The following PLCL2 variants were observed in gnomAD, a reference collection of about 807,000 sequenced individuals.
PLCL2 encodes phospholipase C like 2, also known as inactive phospholipase C-like protein 2.
PLCL2 carries 4 observed loss-of-function variants against 79.6 expected under a neutral mutation model. The observed-to-expected ratio is 0.05, with a 90% CI of 0.02 to 0.11. The LOEUF (loss-of-function observed/expected upper bound fraction) is 0.11, where lower values mean the gene tolerates loss of function less well. Ranked by LOEUF, PLCL2 falls within the 10% of genes least tolerant of loss-of-function variation. PLCL2 has a pLI of 1.00. For synonymous variants in PLCL2, 484 were observed against 457.7 expected (o/e 1.06, Z -0.73); for missense variants, 895 against 1,291.0 (o/e 0.69, Z 4.70).
intron 5 of PLCL2, among the ~76,000 whole-genome samples, chr3:17,075,394 A>G (rs368510745): frequency 2.4e-4 from 36 of 152,268 alleles, no homozygotes; most frequent in East Asian, 1.7e-3. Context: ...CCAATCACAA[A>G]TCACAATAAC....
At chr3:16,976,765 T>G (rs947994301) in intron 1 of PLCL2, among the ~76,000 whole-genome samples, 21 of 152,166 alleles carry the variant, frequency 1.4e-4, no homozygotes, top group African/African-American at 5.1e-4. Flanking sequence ...TCCTTATTTG[T>G]GGGGCTTATT....
chr3:16,988,637 A>T (rs1319117682), intron 1 of PLCL2, among the ~76,000 whole-genome samples: 2 of 152,072 alleles, frequency 1.3e-5, no homozygotes, highest in Non-Finnish European at 2.9e-5. Context: ...TCTGTACTGC[A>T]GTTCTATAAA....
intron 1 of PLCL2, among the ~76,000 whole-genome samples, chr3:16,961,184 C>G (rs1294908474): frequency 6.6e-6 from 1 of 152,210 alleles, no homozygotes; most frequent in Non-Finnish European, 1.5e-5. Context: ...ATTGTATACT[C>G]GTGGTATTTA....
intron 1 of PLCL2, among the ~76,000 whole-genome samples, chr3:16,997,495 C>A (rs1201557425): frequency 6.7e-6 from 1 of 150,198 alleles, no homozygotes; most frequent in Non-Finnish European, 1.5e-5. Context: ...TTTTTCCAAT[C>A]TAATTGTCCC....
intron 1 of PLCL2, among the ~76,000 whole-genome samples, chr3:16,996,274 C>T (rs1035992964): frequency 6.6e-6 from 1 of 152,050 alleles, no homozygotes; most frequent in Non-Finnish European, 1.5e-5. Flanking sequence ...TGGGCTGCGA[C>T]TCAGGGCATC....
chr3:17,024,787 C>G lies in PLCL2; in HGVS notation c.3018+9876C>G, dbSNP rs116206992. 3.0e-3 allele frequency among the ~76,000 whole-genome samples: 454 copies of G among 152,308 alleles called. 4 individuals are homozygous for G. Among genetic ancestry groups the G allele is most frequent in the African/African-American group, 0.01 (434 of 41,556 alleles). The stretch of plus-strand genomic sequence containing the variant: ...CTTCTCCCTTTGAGCTGGGAGCCTC[C>G]TGCTCCCTATTACTTGGGACCCAGA... On this transcript the variant is annotated intron_variant, in intron 3 of 5. Coordinates refer to ENST00000615277, the MANE Select transcript of PLCL2 (RefSeq NM_001144382.2).
Position 16,975,867 on chromosome 3 carries a change from G to C in PLCL2, c.328-33807G>C, listed in dbSNP as rs375388014. ...TCTAGGCCCCATTTGCCAGCAGGGAGACTTCTGCCAATATCTGTGGAGGTG... is the reference window on the plus strand; with the variant it reads ...TCTAGGCCCCATTTGCCAGCAGGGACACTTCTGCCAATATCTGTGGAGGTG... On this transcript the variant is annotated intron_variant, in intron 1 of 5. Coordinates refer to ENST00000615277, the MANE Select transcript of PLCL2 (RefSeq NM_001144382.2). 2.2e-4 allele frequency among the ~76,000 whole-genome samples: 34 copies of C among 152,310 alleles called. No individual in the cohort carries two copies. The South Asian group carries it at 7.0e-3, about 32-fold the overall frequency.
intron 5 of PLCL2, among the ~76,000 whole-genome samples, chr3:17,069,753 AT>A (rs1559538962): frequency 1.3e-5 from 2 of 152,110 alleles, no homozygotes; most frequent in South Asian, 2.1e-4. Context: ...CGCCATTTGC[AT>A]TTTTCTCACG....
At chr3:16,940,659 T>C (rs116614223) in intron 1 of PLCL2, among the ~76,000 whole-genome samples, 3,184 of 152,172 alleles carry the variant, frequency 0.021, 55 homozygotes, top group South Asian at 0.043. Context: ...TAAAATAAAA[T>C]AAAATAAAAT....
At chr3:16,996,737 T>C (rs2064157153) in intron 1 of PLCL2, among the ~76,000 whole-genome samples, 2 of 152,208 alleles carry the variant, frequency 1.3e-5, no homozygotes, top group African/African-American at 4.8e-5. Flanking sequence ...TTTATCTCCA[T>C]GTGGCCGTTT....
chr3:16,920,782 TG>T (rs1317476725), intron 1 of PLCL2, among the ~76,000 whole-genome samples: 1 of 152,246 alleles, frequency 6.6e-6, no homozygotes, highest in Non-Finnish European at 1.5e-5. Flanking sequence ...TGATAACCAC[TG>T]TATTACAACC....
At chr3:16,993,245 G>T (rs2064121798) in intron 1 of PLCL2, among the ~76,000 whole-genome samples, 6 of 152,124 alleles carry the variant, frequency 3.9e-5, no homozygotes, top group Admixed American at 3.9e-4. Flanking sequence ...CATGTTTATT[G>T]ATACCCACAT....
At chr3:16,964,351 C>T (rs2063784954) in intron 1 of PLCL2, among the ~76,000 whole-genome samples, 1 of 152,136 alleles carries the variant, frequency 6.6e-6, no homozygotes, top group Non-Finnish European at 1.5e-5. Context: ...TACATGAACT[C>T]ATCCTTTTTA....
At chr3:17,051,542 G>A (rs1323842829) in intron 4 of PLCL2, among the ~76,000 whole-genome samples, 2 of 151,508 alleles carry the variant, frequency 1.3e-5, no homozygotes, top group Admixed American at 6.6e-5. Context: ...TGTTCTGGGG[G>A]GAAAAAAAAG....
intron 3 of PLCL2, among the ~76,000 whole-genome samples, chr3:17,022,701 G>C (rs561872605): frequency 2.0e-5 from 3 of 152,258 alleles, no homozygotes; most frequent in Admixed American, 2.0e-4. Context: ...TTGAGTGGAG[G>C]AGGCAATGCT....
At chr3:17,060,904 A>G (rs1371564688) in intron 4 of PLCL2, among the ~76,000 whole-genome samples, 2 of 152,094 alleles carry the variant, frequency 1.3e-5, no homozygotes, top group Non-Finnish European at 1.5e-5. Flanking sequence ...TTTGCTTTTA[A>G]TTTGTTTTTT....
chr3:16,971,565 G>A (rs1399745702), intron 1 of PLCL2, among the ~76,000 whole-genome samples: 1 of 152,184 alleles, frequency 6.6e-6, no homozygotes, highest in Non-Finnish European at 1.5e-5. Context: ...CTTTAAAGTA[G>A]TTTTTTCTAA....
chr3:17,003,838 G>A (rs1239608984), intron 1 of PLCL2, among the ~76,000 whole-genome samples: 2 of 152,084 alleles, frequency 1.3e-5, no homozygotes, highest in East Asian at 3.9e-4. Flanking sequence ...GAGGTGGATG[G>A]GTTCTGCTTC....
chr3:16,904,932 C>T (rs1696716992), intron 1 of PLCL2, among the ~76,000 whole-genome samples: 1 of 152,136 alleles, frequency 6.6e-6, no homozygotes, highest in Non-Finnish European at 1.5e-5. Context: ...CCCAGCCCTG[C>T]AGAACTGTGA....
Sources: gnomAD v4.1 joint callset for allele counts (sites outside exome capture counted in the v4.1 genomes callset) on GRCh38, gnomAD v4.1.1 for gene constraint, MANE v1.5 for transcripts, NCBI Gene and HGNC (gene_info 2026-07-23, HGNC 2026-07-21) for gene names.